Variants in PRKAR2B observed in about 807,000 individuals in gnomAD.
The protein encoded by PRKAR2B is cAMP-dependent protein kinase type II-beta regulatory subunit.
PRKAR2B carries 14 observed loss-of-function variants against 49.9 expected under a neutral mutation model. The ratio of observed to expected loss-of-function variants is 0.28; its 90% CI spans 0.19 to 0.44. The LOEUF is 0.44. Ranked by LOEUF, PRKAR2B falls within the 20% of genes least tolerant of loss-of-function variation. The pLI, the probability that PRKAR2B is intolerant of heterozygous loss-of-function variation, is 1.00. For missense variants in PRKAR2B, 393 were observed against 537.9 expected (o/e 0.73, Z 2.67); for synonymous variants, 196 against 197.7 (o/e 0.99, Z 0.07).
intron 3 of PRKAR2B, among the ~76,000 whole-genome samples, chr7:107,125,325 C>G (rs1382778853): frequency 6.6e-6 from 1 of 152,136 alleles, no homozygotes; most frequent in Non-Finnish European, 1.5e-5. Flanking sequence ...GGATCTGTCA[C>G]TAGGATAAAA....
intron 6 of PRKAR2B, among the ~76,000 whole-genome samples, chr7:107,146,979 A>G (rs1795905172): frequency 6.6e-6 from 1 of 152,162 alleles, no homozygotes; most frequent in African/African-American, 2.4e-5. Flanking sequence ...TTGGTGCTAT[A>G]AATTGATTGG....
At chr7:107,085,880 A>T (rs1794609996) in intron 2 of PRKAR2B, among the ~76,000 whole-genome samples, 1 of 152,216 alleles carries the variant, frequency 6.6e-6, no homozygotes, top group Non-Finnish European at 1.5e-5. Flanking sequence ...ATAGTTTTGC[A>T]AGTACATCTA....
intron 3 of PRKAR2B, among the ~76,000 whole-genome samples, chr7:107,123,525 C>T (rs143372686): frequency 6.6e-6 from 1 of 152,222 alleles, no homozygotes; most frequent in African/African-American, 2.4e-5. Context: ...CAGGAGCCAG[C>T]CCGCCTCTGG....
intron 2 of PRKAR2B, among the ~76,000 whole-genome samples, chr7:107,102,924 G>A (rs1428916523): frequency 6.6e-6 from 1 of 152,132 alleles, no homozygotes; most frequent in Non-Finnish European, 1.5e-5. Flanking sequence ...GCCCGCCTCA[G>A]CCTCCCAAAG....
chr7:107,075,957 T>C (rs1445026333), intron 2 of PRKAR2B, among the ~76,000 whole-genome samples: 1 of 152,188 alleles, frequency 6.6e-6, no homozygotes, highest in Admixed American at 6.5e-5. Context: ...GGGCTAGAAA[T>C]GTCCAGTTAA....
At position 107,133,010 on chromosome 7, in the gene PRKAR2B, A is replaced by G. The variant is rs572926770; in HGVS notation, c.480+4715A>G. ...TGAAATAATTTTCTTAGGCTATATG[A>G]TAGGCTCTTTCATTAATGAAGAGTA... On this transcript the variant is annotated intron_variant, in intron 4 of 10. Transcript: ENST00000265717. Among the ~76,000 whole-genome samples the G allele has an allele frequency of 5.3e-5, 8 of 152,314 alleles. No homozygotes were observed. The East Asian group carries it at 1.5e-3, about 29-fold the overall frequency.
intron 1 of PRKAR2B, among the ~76,000 whole-genome samples, chr7:107,059,009 C>T (rs1176466349): frequency 2.0e-5 from 3 of 151,992 alleles, no homozygotes; most frequent in African/African-American, 4.8e-5. Context: ...TTCCTGGCCA[C>T]GCACGGTGGC....
At chr7:107,079,141 A>G (rs375122348) in intron 2 of PRKAR2B, among the ~76,000 whole-genome samples, 2 of 152,214 alleles carry the variant, frequency 1.3e-5, no homozygotes, top group African/African-American at 4.8e-5. Context: ...TAGTGCAACC[A>G]TTCTTTAATT....
At chr7:107,110,015 G>A (rs967904417) in intron 2 of PRKAR2B, among the ~76,000 whole-genome samples, 2 of 152,132 alleles carry the variant, frequency 1.3e-5, no homozygotes, top group African/African-American at 4.8e-5. Context: ...ACTGAGGAGG[G>A]TAGGAGACAG....
At chr7:107,098,518 C>T (rs1023194023) in intron 2 of PRKAR2B, among the ~76,000 whole-genome samples, 2 of 152,196 alleles carry the variant, frequency 1.3e-5, no homozygotes. Context: ...TCTCTCAACT[C>T]GTCAAAGTCA....
chr7:107,085,059 T>A (rs1030217074), intron 2 of PRKAR2B, among the ~76,000 whole-genome samples: 2 of 152,190 alleles, frequency 1.3e-5, no homozygotes, highest in African/African-American at 4.8e-5. Flanking sequence ...TCATATTCCT[T>A]TGTAATTATG....
intron 2 of PRKAR2B, among the ~76,000 whole-genome samples, chr7:107,072,401 A>G (rs927150419): frequency 6.6e-6 from 1 of 152,254 alleles, no homozygotes; most frequent in Admixed American, 6.5e-5. Context: ...ATGGAGTACC[A>G]CTGATGGATC....
At position 107,159,589 on chromosome 7, in the gene PRKAR2B, A is replaced by G. The variant is rs1044819750; in HGVS notation, c.*7A>G. The G allele has an allele frequency of 2.5e-6, 4 of 1,613,824 alleles. No homozygotes were observed. The African/African-American group carries it at 5.3e-5, about 22-fold the overall frequency. ...TGTTGAACCCACTGCATGAAGCAAA[A>G]GTATGGAGCAAGACCTGTAGTGACA... On this transcript the variant is annotated 3_prime_UTR_variant, in exon 11 of 11. Transcript: ENST00000265717.
intron 2 of PRKAR2B, among the ~76,000 whole-genome samples, chr7:107,106,776 G>C (rs1434055938): frequency 6.6e-6 from 1 of 152,040 alleles, no homozygotes; most frequent in East Asian, 1.9e-4. Context: ...GACCTGGCAG[G>C]ACCCCCCTCA....
At chr7:107,123,742 A>T (rs987995930) in intron 3 of PRKAR2B, among the ~76,000 whole-genome samples, 5 of 152,184 alleles carry the variant, frequency 3.3e-5, no homozygotes, top group Admixed American at 6.5e-5. Flanking sequence ...TTACTAGAGG[A>T]GGAGGAATCT....
chr7:107,098,283 T>A (rs1794887479), intron 2 of PRKAR2B, among the ~76,000 whole-genome samples: 1 of 152,198 alleles, frequency 6.6e-6, no homozygotes, highest in Non-Finnish European at 1.5e-5. Flanking sequence ...TGATACCCTT[T>A]CTTCCACTTG....
chr7:107,064,078 C>G (rs75729794), intron 1 of PRKAR2B, among the ~76,000 whole-genome samples: 4,031 of 152,234 alleles, frequency 0.026, 171 homozygotes, highest in African/African-American at 0.092. Context: ...ATTTAAAATC[C>G]TGAAAGTATT....
intron 1 of PRKAR2B, among the ~76,000 whole-genome samples, chr7:107,060,760 T>A (rs184731625): frequency 6.6e-6 from 1 of 152,310 alleles, no homozygotes; most frequent in East Asian, 1.9e-4. Flanking sequence ...AACATAATTT[T>A]TAATTTTAAT....
At chr7:107,070,222 C>T in intron 1 of PRKAR2B, 59 bp from the exon 2 acceptor site, 1 of 1,357,456 alleles carries the variant, frequency 7.4e-7, no homozygotes. Context: ...TGAGCCTTTT[C>T]AGGGTTTTGG....
Sources: allele counts gnomAD v4.1 joint callset (sites outside exome capture counted in the v4.1 genomes callset), GRCh38; gene constraint gnomAD v4.1.1; transcripts MANE v1.5; gene names NCBI Gene and HGNC (gene_info 2026-07-23, HGNC 2026-07-21).